FOXP2: variants seen among roughly 807,000 people sequenced by gnomAD.
FOXP2 encodes forkhead box protein P2.
Under a neutral mutation model 115.8 loss-of-function variants are expected in FOXP2, and 12 were observed. The ratio of observed to expected loss-of-function variants is 0.10; its 90% CI spans 0.07 to 0.17. FOXP2 has a LOEUF of 0.17. FOXP2 is among the 10% of genes least tolerant of loss of function. The pLI, the probability that FOXP2 is intolerant of heterozygous loss-of-function variation, is 1.00. For synonymous variants in FOXP2, 328 were observed against 297.7 expected, an observed-to-expected ratio of 1.10 and a Z score of -1.05; for missense variants, 629 against 843.5, an observed-to-expected ratio of 0.75 and a Z score of 3.15.
rs957361074 is a variant in FOXP2 at position 114,693,120 on chromosome 7, G to A, written c.*3194G>A. On this transcript the variant is annotated 3_prime_UTR_variant, in exon 17 of 17. Coordinates refer to ENST00000350908, the MANE Select transcript of FOXP2 (RefSeq NM_014491.4). Reference sequence around the variant, plus strand: ...TTAAGGCTTATATTCTATGTGGTTGGATTCGTGGCACAGTTGTACTATTTG... The same window carrying A: ...TTAAGGCTTATATTCTATGTGGTTGAATTCGTGGCACAGTTGTACTATTTG... 2.2e-6 allele frequency: 1 copy of A among 453,772 alleles called. No homozygotes were observed. The highest frequency in any genetic ancestry group is 2.0e-5 in the African/African-American group (1 of 49,990). 28.1% of individuals were successfully genotyped at this position (453,772 alleles called of 1,614,324 possible).
chr7:114,267,771 A>G (rs1406061721), intron 1 of FOXP2, among the ~76,000 whole-genome samples: 2 of 146,334 alleles, frequency 1.4e-5, no homozygotes, highest in East Asian at 3.9e-4. Flanking sequence ...AAATAAATAA[A>G]TAAATAAATA....
chr7:114,279,600 C>T (rs1562851097), intron 1 of FOXP2, among the ~76,000 whole-genome samples: 1 of 152,102 alleles, frequency 6.6e-6, no homozygotes. Context: ...CATATTAATG[C>T]ATACTTGCTT....
At chr7:114,529,199 C>G (rs376719755) in intron 2 of FOXP2, among the ~76,000 whole-genome samples, 1 of 151,706 alleles carries the variant, frequency 6.6e-6, no homozygotes, top group African/African-American at 2.4e-5. Context: ...CATTCTACAG[C>G]TGAAAAAAAC....
chr7:114,514,732 T>C (rs1228222984), intron 2 of FOXP2, among the ~76,000 whole-genome samples: 1 of 151,932 alleles, frequency 6.6e-6, no homozygotes, highest in East Asian at 1.9e-4. Context: ...TATTTTATTA[T>C]TATTGAACTT....
Position 114,689,991 on chromosome 7 carries a change from C to G in FOXP2, c.*65C>G. On this transcript the variant is annotated 3_prime_UTR_variant, in exon 17 of 17. Transcript: ENST00000350908. The stretch of plus-strand genomic sequence containing the variant: ...CTGACCTTCATAACCACTCCACAAC[C>G]ATGAATATTTGACAAATTTTTACTG... 1 of 1,591,846 alleles carries G rather than the reference C, an allele frequency of 6.3e-7. No homozygotes were observed. The highest frequency in any genetic ancestry group is 1.1e-5 in the South Asian group (1 of 90,464).
upstream of FOXP2, among the ~76,000 whole-genome samples, chr7:114,411,314 T>A (rs2129198720): frequency 6.6e-6 from 1 of 152,204 alleles, no homozygotes; most frequent in South Asian, 2.1e-4. Context: ...TTAAAATAAA[T>A]AGAAATGAAA....
chr7:114,488,138 C>T (rs1424545218), intron 2 of FOXP2, among the ~76,000 whole-genome samples: 4 of 152,164 alleles, frequency 2.6e-5, no homozygotes, highest in African/African-American at 9.7e-5. Context: ...GGAGGCAAGA[C>T]ATGTCTGATA....
chr7:114,603,331 A>T (rs545293922), intron 3 of FOXP2, among the ~76,000 whole-genome samples: 2 of 152,192 alleles, frequency 1.3e-5, no homozygotes, highest in African/African-American at 4.8e-5. Flanking sequence ...TCTTACAGCC[A>T]TGCTTATTTG....
chr7:114,170,338 T>TC (rs1290209105), intron 1 of FOXP2, among the ~76,000 whole-genome samples: 2 of 152,108 alleles, frequency 1.3e-5, no homozygotes, highest in Non-Finnish European at 2.9e-5. Context: ...CCTTCCCTCT[T>TC]CCCTAAAAAA....
chr7:114,126,563 A>G (rs554781083), intron 1 of FOXP2, among the ~76,000 whole-genome samples: 1 of 152,188 alleles, frequency 6.6e-6, no homozygotes, highest in Admixed American at 6.6e-5. Context: ...ACAAGTTCTT[A>G]TAGTGACATG....
intron 1 of FOXP2, among the ~76,000 whole-genome samples, chr7:114,214,166 T>C (rs1794428827): frequency 6.6e-6 from 1 of 152,216 alleles, no homozygotes; most frequent in South Asian, 2.1e-4. Flanking sequence ...AGTTTGTTGT[T>C]CACTTACTCT....
At chr7:114,641,833 G>A (rs949154636) in intron 6 of FOXP2, among the ~76,000 whole-genome samples, 6 of 150,846 alleles carry the variant, frequency 4.0e-5, no homozygotes, top group African/African-American at 1.5e-4. Flanking sequence ...TTTGAGAGAG[G>A]GTCTCACTCT....
intron 2 of FOXP2, among the ~76,000 whole-genome samples, chr7:114,493,502 C>T (rs1447130434): frequency 6.6e-6 from 1 of 152,082 alleles, no homozygotes; most frequent in Admixed American, 6.6e-5. Flanking sequence ...AAAATCTGTA[C>T]CTTTCACTCA....
At chr7:114,579,560 T>C (rs1801741146) in intron 3 of FOXP2, among the ~76,000 whole-genome samples, 4 of 152,168 alleles carry the variant, frequency 2.6e-5, no homozygotes. Flanking sequence ...ATTCCATTTT[T>C]TTTTCTGTCC....
chr7:114,369,143 A>G (rs891545517), intron 2 of FOXP2, among the ~76,000 whole-genome samples: 2 of 152,084 alleles, frequency 1.3e-5, no homozygotes, highest in African/African-American at 4.8e-5. Context: ...TCTTCACAAT[A>G]TAGCAATAAG....
At chr7:114,365,562 AT>A (rs369620419) in intron 2 of FOXP2, among the ~76,000 whole-genome samples, 3 of 152,024 alleles carry the variant, frequency 2.0e-5, no homozygotes, top group Admixed American at 1.3e-4. Flanking sequence ...TCATTGTATG[AT>A]TTTTTTACAC....
intron 2 of FOXP2, among the ~76,000 whole-genome samples, chr7:114,351,890 T>C (rs1281887483): frequency 6.6e-6 from 1 of 152,126 alleles, no homozygotes; most frequent in Non-Finnish European, 1.5e-5. Flanking sequence ...TATTCTAATA[T>C]CAGATGTAGA....
chr7:114,658,094 C>T lies in FOXP2; in HGVS notation c.1295C>T (p.Ser432Leu), dbSNP rs1366555549. ...PLNLVSSVTM[S>L]KNMLETSPQS... ...AATCTGGTGTCTAGTGTCACCATGT[C>T]GAAGAATATGTTGGAGACATCCCCA... The change falls in exon 11 of 17, where the codon TCG (serine) becomes TTG (leucine). Residue 432 changes from serine to leucine, a missense_variant. Ser to Leu is a moderately radical substitution (Grantham distance 145). Coordinates refer to ENST00000350908, the MANE Select transcript of FOXP2 (RefSeq NM_014491.4). The T allele has an allele frequency of 1.9e-6, 3 of 1,613,782 alleles. No homozygotes were observed. Among genetic ancestry groups the T allele is most frequent in the Admixed American group, 1.7e-5 (1 of 59,988 alleles).
intron 2 of FOXP2, among the ~76,000 whole-genome samples, chr7:114,398,450 T>G (rs1209600955): frequency 6.6e-6 from 1 of 152,150 alleles, no homozygotes; most frequent in East Asian, 1.9e-4. Flanking sequence ...TTTTATGAAG[T>G]CTACTTTAAA....
Sources: gnomAD v4.1 joint callset for allele counts (sites outside exome capture counted in the v4.1 genomes callset) on GRCh38, gnomAD v4.1.1 for gene constraint, MANE v1.5 for transcripts, NCBI Gene and HGNC (gene_info 2026-07-23, HGNC 2026-07-21) for gene names.